The following ARHGAP24 variants were observed in gnomAD, a reference collection of about 807,000 sequenced individuals.
The protein encoded by ARHGAP24 is rho GTPase-activating protein 24.
In ARHGAP24, 50 loss-of-function variants were observed where a neutral mutation model predicts 76.4. The observed-to-expected ratio is 0.65, with a 90% CI of 0.52 to 0.83. The LOEUF is 0.83. Ranked by LOEUF, ARHGAP24 falls within the 40% of genes least tolerant of loss-of-function variation. The probability of loss-of-function intolerance (pLI) is 0.00; values close to 1 mark genes in which losing one functional copy is unlikely to be tolerated. For synonymous variants in ARHGAP24, 345 were observed against 323.3 expected, an observed-to-expected ratio of 1.07 and a Z score of -0.72; for missense variants, 930 against 914.2, an observed-to-expected ratio of 1.02 and a Z score of -0.22.
At chr4:85,871,877 G>A (rs1399928928) in intron 3 of ARHGAP24, among the ~76,000 whole-genome samples, 1 of 152,084 alleles carries the variant, frequency 6.6e-6, no homozygotes, top group Non-Finnish European at 1.5e-5. Context: ...ATCTCTCGAA[G>A]ACCTCTAGTT....
At chr4:85,860,339 A>C (rs1203329384) in intron 3 of ARHGAP24, among the ~76,000 whole-genome samples, 1 of 152,122 alleles carries the variant, frequency 6.6e-6, no homozygotes, top group Non-Finnish European at 1.5e-5. Context: ...TGAAGATGCC[A>C]AGAAGGAACT....
chr4:85,478,547 T>A (rs1426718885), intron 1 of ARHGAP24, among the ~76,000 whole-genome samples: 2 of 152,254 alleles, frequency 1.3e-5, no homozygotes, highest in Admixed American at 6.5e-5. Flanking sequence ...ATTGCTACAG[T>A]TAATCTTTAC....
At chr4:85,830,575 A>G (rs917820638) in intron 3 of ARHGAP24, among the ~76,000 whole-genome samples, 7 of 152,178 alleles carry the variant, frequency 4.6e-5, no homozygotes, top group African/African-American at 9.7e-5. Flanking sequence ...CGTCATTTGT[A>G]TGTCTCTTTA....
At chr4:85,590,516 C>T (rs28607329) in intron 2 of ARHGAP24, among the ~76,000 whole-genome samples, 1,935 of 151,842 alleles carry the variant, frequency 0.013, 45 homozygotes, top group African/African-American at 0.044. Flanking sequence ...CATGCCACCA[C>T]GCCTAGTTAA....
At chr4:85,686,384 G>C (rs1442355077) in intron 2 of ARHGAP24, among the ~76,000 whole-genome samples, 3 of 152,160 alleles carry the variant, frequency 2.0e-5, no homozygotes, top group Admixed American at 6.5e-5. Context: ...CTTAGTGTGC[G>C]AAGTGAGTAT....
chr4:85,916,209 T>C (rs1476621450), intron 3 of ARHGAP24, among the ~76,000 whole-genome samples: 1 of 152,036 alleles, frequency 6.6e-6, no homozygotes. Context: ...GCCGCATAAA[T>C]GTCTTCTTTT....
chr4:85,752,331 G>A (rs1290561043), intron 3 of ARHGAP24, among the ~76,000 whole-genome samples: 3 of 152,190 alleles, frequency 2.0e-5, no homozygotes, highest in Non-Finnish European at 2.9e-5. Flanking sequence ...CCACCAGGAA[G>A]CATCCCTTCC....
intron 1 of ARHGAP24, among the ~76,000 whole-genome samples, chr4:85,527,346 A>G (rs1409224607): frequency 6.6e-6 from 1 of 152,156 alleles, no homozygotes; most frequent in Non-Finnish European, 1.5e-5. Flanking sequence ...GTTATGTCAA[A>G]CACATAGGTA....
intron 1 of ARHGAP24, among the ~76,000 whole-genome samples, chr4:85,516,725 T>C (rs1402110840): frequency 6.6e-6 from 1 of 151,982 alleles, no homozygotes; most frequent in Non-Finnish European, 1.5e-5. Flanking sequence ...TTGCAGATGT[T>C]TTCTTCATTT....
chr4:85,853,057 G>T (rs922192721), intron 3 of ARHGAP24, among the ~76,000 whole-genome samples: 1 of 152,234 alleles, frequency 6.6e-6, no homozygotes, highest in Non-Finnish European at 1.5e-5. Context: ...GCTGCCTTTT[G>T]TTCAGCTATG....
chr4:85,896,061 A>G (rs891111824), intron 3 of ARHGAP24, among the ~76,000 whole-genome samples: 18 of 152,382 alleles, frequency 1.2e-4, no homozygotes, highest in African/African-American at 3.8e-4. Context: ...ACAAAAACAC[A>G]AGAACAGAAA....
intron 2 of ARHGAP24, among the ~76,000 whole-genome samples, chr4:85,689,037 T>C (rs2110016172): frequency 6.6e-6 from 1 of 152,326 alleles, no homozygotes; most frequent in African/African-American, 2.4e-5. Flanking sequence ...TTGGGCTCTT[T>C]TTTGGTTCCA....
chr4:85,561,289 C>A lies in ARHGAP24; in HGVS notation c.-20-9233C>A, dbSNP rs150851313. On this transcript the variant is annotated intron_variant, in intron 1 of 9. Transcript: ENST00000395184. Reference sequence around the variant, plus strand: ...GAAAACCACAGGTGAAAGTCCTAAGCCCTTCCAGCTACTTTAAGAAATCCA... The same window carrying A: ...GAAAACCACAGGTGAAAGTCCTAAGACCTTCCAGCTACTTTAAGAAATCCA... Among the ~76,000 whole-genome samples the A allele has an allele frequency of 1.3e-3, 192 of 152,266 alleles. 1 individual carries two copies. Among genetic ancestry groups the A allele is most frequent in the African/African-American group, 4.1e-3 (170 of 41,546 alleles).
rs377739758 is a variant in ARHGAP24, at chr4:85,916,612, A to G, written c.269-7036A>G. On this transcript the variant is annotated intron_variant, in intron 3 of 9. Transcript: ENST00000395184. Reference sequence around the variant, plus strand: ...ACATAAATTTCCAGTATTTTTCTGTAGTCTGTAATAAAATGGATAGTAGAA... The same window carrying G: ...ACATAAATTTCCAGTATTTTTCTGTGGTCTGTAATAAAATGGATAGTAGAA... Among the ~76,000 whole-genome samples, 51 of 152,296 alleles carry G rather than the reference A, an allele frequency of 3.3e-4. 1 individual carries two copies. Among genetic ancestry groups the G allele is most frequent in the Middle Eastern group, 6.8e-3 (2 of 294 alleles).
At chr4:85,831,512 C>T (rs1231610565) in intron 3 of ARHGAP24, among the ~76,000 whole-genome samples, 1 of 151,990 alleles carries the variant, frequency 6.6e-6, no homozygotes, top group Non-Finnish European at 1.5e-5. Flanking sequence ...GAGTGTGTTC[C>T]TTCTCCAACT....
intron 1 of ARHGAP24, among the ~76,000 whole-genome samples, chr4:85,566,952 G>A (rs529695771): frequency 1.9e-4 from 29 of 152,298 alleles, no homozygotes; most frequent in African/African-American, 4.8e-4. Context: ...AAATCAGCAA[G>A]GGATAAAGGA....
intron 1 of ARHGAP24, among the ~76,000 whole-genome samples, chr4:85,526,764 A>G (rs1725019191): frequency 6.6e-6 from 1 of 152,184 alleles, no homozygotes; most frequent in Admixed American, 6.5e-5. Context: ...CTGAGTGTCA[A>G]TAATGAATTT....
intron 4 of ARHGAP24, among the ~76,000 whole-genome samples, chr4:85,928,360 G>C (rs1736133033): frequency 6.6e-6 from 1 of 150,990 alleles, no homozygotes; most frequent in South Asian, 2.1e-4. Context: ...TTTATACTGG[G>C]TTTCTGTTCA....
chr4:85,770,898 G>T (rs1365458279), intron 3 of ARHGAP24, among the ~76,000 whole-genome samples: 1 of 152,164 alleles, frequency 6.6e-6, no homozygotes, highest in African/African-American at 2.4e-5. Flanking sequence ...CAGGAGTGGG[G>T]CAGGAGAGTG....
Sources: allele counts gnomAD v4.1 joint callset (sites outside exome capture counted in the v4.1 genomes callset), GRCh38; gene constraint gnomAD v4.1.1; transcripts MANE v1.5; gene names NCBI Gene and HGNC (gene_info 2026-07-23, HGNC 2026-07-21).